Variants in STUM observed in about 807,000 individuals in gnomAD.
STUM encodes the protein stum, mechanosensory transduction mediator homolog.
In STUM, 8 loss-of-function variants were observed where a neutral mutation model predicts 15.3. The observed-to-expected ratio is 0.52, with a 90% CI of 0.31 to 0.94. STUM has a LOEUF of 0.94. STUM is among the 40% of genes least tolerant of loss of function. The pLI is 0.05. For synonymous variants in STUM, 78 were observed against 88.7 expected, an observed-to-expected ratio of 0.88 and a Z score of 0.68; for missense variants, 142 against 204.9, an observed-to-expected ratio of 0.69 and a Z score of 1.87.
At chr1:226,586,565 T>C (rs192981207) in intron 1 of STUM, among the ~76,000 whole-genome samples, 93 of 152,316 alleles carry the variant, frequency 6.1e-4, no homozygotes, top group African/African-American at 2.1e-3. Flanking sequence ...CTGTTCTCAG[T>C]TGCTGCAGCA....
chr1:226,560,699 C>G (rs142157202), intron 1 of STUM, among the ~76,000 whole-genome samples: 8 of 152,180 alleles, frequency 5.3e-5, no homozygotes, highest in South Asian at 4.2e-4. Flanking sequence ...AAGGGAGCGC[C>G]GACAGCAGAT....
intron 2 of STUM, among the ~76,000 whole-genome samples, chr1:226,599,813 A>G (rs1668237995): frequency 6.6e-6 from 1 of 152,228 alleles, no homozygotes; most frequent in African/African-American, 2.4e-5. Flanking sequence ...CATGGCAGAC[A>G]TTGCTAATCA....
intron 1 of STUM, among the ~76,000 whole-genome samples, chr1:226,573,894 G>C (rs1207827185): frequency 6.6e-6 from 1 of 151,564 alleles, no homozygotes; most frequent in Non-Finnish European, 1.5e-5. Flanking sequence ...GGGTGCAGTG[G>C]TGTGATCTCA....
chr1:226,583,780 T>TAGGGCA (rs1273361666), intron 1 of STUM, among the ~76,000 whole-genome samples: 1 of 152,190 alleles, frequency 6.6e-6, no homozygotes, highest in East Asian at 1.9e-4. Flanking sequence ...TGTCCTGGCT[T>TAGGGCA]GGTGAGGCAG....
intron 1 of STUM, among the ~76,000 whole-genome samples, chr1:226,576,410 T>A (rs1383307567): frequency 2.6e-5 from 4 of 152,232 alleles, no homozygotes; most frequent in African/African-American, 9.6e-5. Context: ...AAAGCCATGA[T>A]GAAATGAAAT....
chr1:226,601,968 AG>A (rs1310203708), intron 3 of STUM, 37 bp from the exon 4 acceptor site: 20 of 1,597,300 alleles, frequency 1.3e-5, no homozygotes, highest in Non-Finnish European at 1.6e-5. Context: ...TGAAGTAAGC[AG>A]GTGTCTAACC....
intron 1 of STUM, among the ~76,000 whole-genome samples, chr1:226,591,696 T>C (rs954459056): frequency 1.3e-5 from 2 of 152,222 alleles, no homozygotes; most frequent in Non-Finnish European, 2.9e-5. Flanking sequence ...ATCTCTGAGT[T>C]CAAGGACAAA....
At chr1:226,555,325 A>G (rs1667430367) in intron 1 of STUM, among the ~76,000 whole-genome samples, 1 of 152,162 alleles carries the variant, frequency 6.6e-6, no homozygotes, top group Admixed American at 6.5e-5. Flanking sequence ...CTCTTGAGTC[A>G]TATATCCAAC....
rs708750 is a variant in STUM, at chr1:226,565,040, T to C, written c.202+15934T>C. 5.7e-3 allele frequency among the ~76,000 whole-genome samples: 875 copies of C among 152,318 alleles called. 12 individuals are homozygous for C. The highest frequency in any genetic ancestry group is 0.02 in the African/African-American group (842 of 41,556). On this transcript the variant is annotated intron_variant, in intron 1 of 3. Coordinates refer to ENST00000366788, the MANE Select transcript of STUM (RefSeq NM_001003665.4). This position sits in a 1 kb window ranked among gnomAD's most constrained non-coding sequence, Gnocchi z 4.4. ...CTACGGCCTGCATCACCAGTCCCCT[T>C]GCCCTCGAGCTTCCAGGTGTCTTAG...
chr1:226,599,812 C>T (rs753157654), intron 2 of STUM, among the ~76,000 whole-genome samples: 3 of 152,238 alleles, frequency 2.0e-5, no homozygotes, highest in South Asian at 4.1e-4. Flanking sequence ...CCATGGCAGA[C>T]ATTGCTAATC....
rs1667612362 is a variant in STUM at position 226,565,778 on chromosome 1, T to G, written c.202+16672T>G. ...GGGCTGCACCTCCTGCCCAGAGGAT[T>G]CCCCAGCAGCAGAATCCTGGTTCTG... On this transcript the variant is annotated intron_variant, in intron 1 of 3. Transcript: ENST00000366788. The surrounding 1 kb of genome is among the most constrained non-coding windows in gnomAD (Gnocchi z 4.4). Among the ~76,000 whole-genome samples the G allele has an allele frequency of 6.6e-6, 1 of 152,136 alleles. No individual in the cohort carries two copies. The highest frequency in any genetic ancestry group is 2.4e-5 in the African/African-American group (1 of 41,428).
chr1:226,575,827 C>T (rs1667800712), intron 1 of STUM, among the ~76,000 whole-genome samples: 1 of 152,244 alleles, frequency 6.6e-6, no homozygotes, highest in Non-Finnish European at 1.5e-5. Context: ...CCTTTCACAT[C>T]CGCAGAGCCT....
Position 226,600,786 on chromosome 1 carries a change from T to G in STUM, c.391+112T>G. On this transcript the variant is annotated intron_variant, in intron 3 of 3. Transcript: ENST00000366788. The surrounding 1 kb of genome is among the most constrained non-coding windows in gnomAD (Gnocchi z 5.2). ...CCCACCCACTCTCCCAGTGGGTCAA[T>G]GGGCTTTTATGTTTAGCTTGAACTT... The G allele has an allele frequency of 1.8e-6, 2 of 1,140,250 alleles. No homozygotes were observed. Among genetic ancestry groups the G allele is most frequent in the Non-Finnish European group, 2.6e-6 (2 of 769,194 alleles). 70.6% of individuals were successfully genotyped at this position (1,140,250 alleles called of 1,614,324 possible). A position where few individuals can be genotyped will look rare whatever the true frequency, so the allele number is the denominator to read the frequency against.
At chr1:226,575,754 C>A (rs1667798187) in intron 1 of STUM, among the ~76,000 whole-genome samples, 1 of 152,234 alleles carries the variant, frequency 6.6e-6, no homozygotes, top group African/African-American at 2.4e-5. Context: ...CATGTGGAAG[C>A]CTGCAGTGGA....
At chr1:226,571,228 GTC>G (rs1465858697) in intron 1 of STUM, among the ~76,000 whole-genome samples, 6 of 147,436 alleles carry the variant, frequency 4.1e-5, no homozygotes, top group African/African-American at 1.6e-4. Flanking sequence ...GAATGGGACT[GTC>G]TCAAAAACAA....
intron 1 of STUM, among the ~76,000 whole-genome samples, chr1:226,570,064 C>G (rs1478319128): frequency 6.6e-6 from 1 of 152,200 alleles, no homozygotes; most frequent in African/African-American, 2.4e-5. Flanking sequence ...GAGCCCCGCC[C>G]CTCCCTGGAG....
chr1:226,578,443 G>A (rs6426534), intron 1 of STUM, among the ~76,000 whole-genome samples: 1,728 of 141,382 alleles, frequency 0.012, 20 homozygotes, highest in Middle Eastern at 0.043. Flanking sequence ...CAGGTCACTT[G>A]CAGCCTCGAC....
Position 226,609,047 on chromosome 1 carries a change from T to C in STUM, c.*7007T>C, listed in dbSNP as rs1483679364. The C allele has an allele frequency of 1.3e-5, 2 of 152,266 alleles. No individual in the cohort carries two copies. Among genetic ancestry groups the C allele is most frequent in the Non-Finnish European group, 2.9e-5 (2 of 68,054 alleles). 9.4% of individuals were successfully genotyped at this position (152,266 alleles called of 1,614,324 possible). A position where few individuals can be genotyped will look rare whatever the true frequency, so the allele number is the denominator to read the frequency against. ...GTCAAAACCTGTGTACATATTTCCA[T>C]GTACATATTTATACATACACACACC... On this transcript the variant is annotated 3_prime_UTR_variant, in exon 4 of 4. Coordinates refer to ENST00000366788, the MANE Select transcript of STUM (RefSeq NM_001003665.4).
chr1:226,577,121 T>A (rs550882958), intron 1 of STUM, among the ~76,000 whole-genome samples: 47 of 152,280 alleles, frequency 3.1e-4, no homozygotes, highest in African/African-American at 1.1e-3. Flanking sequence ...TTGTCCAACA[T>A]CACACAGGTA....
Sources: gnomAD v4.1 joint callset for allele counts (sites outside exome capture counted in the v4.1 genomes callset) on GRCh38, gnomAD v4.1.1 for gene constraint, Gnocchi (gnomAD v3.1) non-coding constraint, MANE v1.5 for transcripts, NCBI Gene and HGNC (gene_info 2026-07-23, HGNC 2026-07-21) for gene names.